Variants in NXPE4 observed in about 807,000 individuals in gnomAD.
NXPE4 encodes NXPE family member 4.
In NXPE4, 42 loss-of-function variants were observed where a neutral mutation model predicts 33.3. The ratio of observed to expected loss-of-function variants is 1.26; its 90% CI spans 0.98 to 1.63. The LOEUF is 1.63. Ranked by LOEUF, NXPE4 falls within the 40% of genes most tolerant of loss-of-function variation. NXPE4 has a pLI of 0.00. For synonymous variants in NXPE4, 253 were observed against 234.9 expected (o/e 1.08, Z -0.71); for missense variants, 709 against 647.6 (o/e 1.09, Z -1.03).
the NXPE4 span, among the ~76,000 whole-genome samples, chr11:114,661,298 G>T: frequency 3.1e-3 from 469 of 152,228 alleles, 2 homozygotes; most frequent in Middle Eastern, 0.017. Flanking sequence ...TAATCAATCG[G>T]TTTTGTAAAA....
At chr11:114,627,852 A>T in the NXPE4 span, among the ~76,000 whole-genome samples, 1 of 151,428 alleles carries the variant, frequency 6.6e-6, no homozygotes, top group Non-Finnish European at 1.5e-5. Context: ...AAAACAAAAA[A>T]ATGCAGGGAT....
the NXPE4 span, among the ~76,000 whole-genome samples, chr11:114,638,055 G>T: frequency 6.6e-6 from 1 of 151,628 alleles, no homozygotes; most frequent in Non-Finnish European, 1.5e-5. Flanking sequence ...ATCCTGCAGA[G>T]TGTTTTCCAA....
chr11:114,612,518 G>C, the NXPE4 span, among the ~76,000 whole-genome samples: 1 of 151,712 alleles, frequency 6.6e-6, no homozygotes, highest in Non-Finnish European at 1.5e-5. Context: ...TTCCTCGGGG[G>C]TAACCACTGT....
At chr11:114,639,698 AATAT>A in the NXPE4 span, among the ~76,000 whole-genome samples, 1 of 137,218 alleles carries the variant, frequency 7.3e-6, no homozygotes, top group Non-Finnish European at 1.5e-5. Flanking sequence ...TCTATTCTAT[AATAT>A]ATTCTATAAT....
chr11:114,663,451 A>G, the NXPE4 span, among the ~76,000 whole-genome samples: 4 of 152,094 alleles, frequency 2.6e-5, no homozygotes, highest in Non-Finnish European at 5.9e-5. Flanking sequence ...GTTGTCTTAG[A>G]AGGACATGGT....
the NXPE4 span, among the ~76,000 whole-genome samples, chr11:114,634,781 T>C: frequency 6.6e-6 from 1 of 152,006 alleles, no homozygotes; most frequent in Non-Finnish European, 1.5e-5. Flanking sequence ...TGTAGATATG[T>C]GGCATTATTT....
chr11:114,632,588 T>C, the NXPE4 span, among the ~76,000 whole-genome samples: 11 of 108,226 alleles, frequency 1.0e-4, no homozygotes, highest in Non-Finnish European at 1.7e-4. Flanking sequence ...ATATTTATTG[T>C]ATATTGATGT....
upstream of NXPE4, among the ~76,000 whole-genome samples, chr11:114,599,591 A>G (rs112120351): frequency 2.6e-5 from 4 of 152,302 alleles, no homozygotes; most frequent in African/African-American, 9.6e-5. Context: ...TCCACAGGCT[A>G]TACAGGGAGC....
At chr11:114,618,042 C>A in the NXPE4 span, among the ~76,000 whole-genome samples, 1 of 151,922 alleles carries the variant, frequency 6.6e-6, no homozygotes, top group East Asian at 1.9e-4. Context: ...TCGTGGGTAA[C>A]AACTCTTACC....
chr11:114,616,811 T>C, the NXPE4 span, among the ~76,000 whole-genome samples: 1 of 151,814 alleles, frequency 6.6e-6, no homozygotes, highest in Non-Finnish European at 1.5e-5. Context: ...ATAATAAGTG[T>C]TGCCTCGTTG....
At chr11:114,663,678 T>TTATCTATCTATCTATCTATC in the NXPE4 span, among the ~76,000 whole-genome samples, 185 of 146,060 alleles carry the variant, frequency 1.3e-3, 1 homozygote, top group East Asian at 2.0e-3. Flanking sequence ...ATCTATCTAT[T>TTATCTATCTATCTATCTATC]TATCTATCTA....
the NXPE4 span, among the ~76,000 whole-genome samples, chr11:114,663,722 C>CTATCTGAT: frequency 6.7e-6 from 1 of 149,784 alleles, no homozygotes; most frequent in Non-Finnish European, 1.5e-5. Flanking sequence ...ATCTGATCTA[C>CTATCTGAT]CTACCTATCT....
At chr11:114,647,712 T>A in the NXPE4 span, among the ~76,000 whole-genome samples, 2 of 151,944 alleles carry the variant, frequency 1.3e-5, no homozygotes, top group African/African-American at 4.8e-5. Context: ...TTTATTTTTT[T>A]TTTTTTTGAG....
chr11:114,644,363 C>A, the NXPE4 span, among the ~76,000 whole-genome samples: 4 of 152,108 alleles, frequency 2.6e-5, no homozygotes, highest in African/African-American at 9.7e-5. Flanking sequence ...CCAGCTTTTG[C>A]CCATTCAGTA....
the NXPE4 span, among the ~76,000 whole-genome samples, chr11:114,620,689 C>T: frequency 6.6e-6 from 1 of 150,380 alleles, no homozygotes; most frequent in African/African-American, 2.4e-5. Flanking sequence ...CAGGTAACCA[C>T]TGTTACCTGG....
chr11:114,573,416 A>G (rs888687951), intron 5 of NXPE4, among the ~76,000 whole-genome samples: 2 of 152,096 alleles, frequency 1.3e-5, no homozygotes, highest in African/African-American at 4.8e-5. Flanking sequence ...TACAGAATGG[A>G]AGAATGGGTA....
At chr11:114,622,883 G>A in the NXPE4 span, among the ~76,000 whole-genome samples, 5 of 150,402 alleles carry the variant, frequency 3.3e-5, no homozygotes, top group Non-Finnish European at 7.4e-5. Context: ...TTGATAATAA[G>A]TATTGCCTCA....
At chr11:114,608,669 T>C in the NXPE4 span, among the ~76,000 whole-genome samples, 11 of 151,868 alleles carry the variant, frequency 7.2e-5, no homozygotes, top group Admixed American at 1.3e-4. Flanking sequence ...ACCCGGTGGA[T>C]AATAAGCATT....
At chr11:114,612,205 G>T in the NXPE4 span, among the ~76,000 whole-genome samples, 1 of 151,908 alleles carries the variant, frequency 6.6e-6, no homozygotes, top group African/African-American at 2.4e-5. Flanking sequence ...TTACACGGTG[G>T]AGAATAAGTG....
Sources: allele counts gnomAD v4.1 joint callset (sites outside exome capture counted in the v4.1 genomes callset), GRCh38; gene constraint gnomAD v4.1.1; transcripts MANE v1.5; gene names NCBI Gene and HGNC (gene_info 2026-07-23, HGNC 2026-07-21).